The following TSHZ2 variants were observed in gnomAD, a reference collection of about 807,000 sequenced individuals.
TSHZ2 encodes the protein teashirt homolog 2.
Under a neutral mutation model 74.4 loss-of-function variants are expected in TSHZ2, and 21 were observed. The observed-to-expected ratio is 0.28, with a 90% CI of 0.20 to 0.41. The LOEUF (loss-of-function observed/expected upper bound fraction) is 0.41, where lower values mean the gene tolerates loss of function less well. Among genes scored for constraint, TSHZ2 ranks in the 10% least tolerant of loss-of-function variants. The pLI is 1.00. For missense variants in TSHZ2, 1,244 were observed against 1,293.5 expected (o/e 0.96, Z 0.59); for synonymous variants, 540 against 515.3 (o/e 1.05, Z -0.65).
intron 2 of TSHZ2, among the ~76,000 whole-genome samples, chr20:53,262,256 C>T (rs1306372149): frequency 4.0e-5 from 6 of 151,438 alleles, no homozygotes; most frequent in Non-Finnish European, 7.4e-5. Flanking sequence ...AAGCTTTCCA[C>T]GATGCTTTTT....
intron 1 of TSHZ2, among the ~76,000 whole-genome samples, chr20:53,022,390 A>G (rs1484787852): frequency 1.3e-5 from 2 of 152,154 alleles, no homozygotes; most frequent in Non-Finnish European, 2.9e-5. Context: ...TTACAGTGTC[A>G]ACGTGCAGTA....
chr20:53,206,645 G>A (rs888594902), intron 1 of TSHZ2: 12 of 152,136 alleles, frequency 7.9e-5, no homozygotes, highest in African/African-American at 1.9e-4. Context: ...AGCACTCCAC[G>A]GGTAGTGGCA....
At chr20:53,383,773 CAATAAT>C (rs900643183) in intron 2 of TSHZ2, among the ~76,000 whole-genome samples, 3 of 151,988 alleles carry the variant, frequency 2.0e-5, no homozygotes, top group Non-Finnish European at 2.9e-5. Flanking sequence ...AAAATAATAA[CAATAAT>C]AATAATAATT....
intron 1 of TSHZ2, among the ~76,000 whole-genome samples, chr20:53,148,721 G>C (rs1987604468): frequency 6.6e-6 from 1 of 152,182 alleles, no homozygotes; most frequent in African/African-American, 2.4e-5. Context: ...TCTTTTCTGA[G>C]ATTGCCATCA....
At chr20:53,179,791 C>T (rs1350075799) in intron 1 of TSHZ2, among the ~76,000 whole-genome samples, 1 of 152,146 alleles carries the variant, frequency 6.6e-6, no homozygotes, top group Non-Finnish European at 1.5e-5. Flanking sequence ...CAAACTAAAG[C>T]GTGCTGGGGG....
chr20:53,212,350 A>G (rs1989331741), intron 1 of TSHZ2, among the ~76,000 whole-genome samples: 1 of 152,238 alleles, frequency 6.6e-6, no homozygotes, highest in Non-Finnish European at 1.5e-5. Context: ...TTTAATGATG[A>G]TACTAATTTA....
chr20:53,079,401 A>T (rs544150906), intron 1 of TSHZ2, among the ~76,000 whole-genome samples: 43 of 152,370 alleles, frequency 2.8e-4, no homozygotes, highest in African/African-American at 9.1e-4. Flanking sequence ...GTTAACGTAG[A>T]CAGTGACATG....
intron 2 of TSHZ2, among the ~76,000 whole-genome samples, chr20:53,476,411 C>T (rs1381155208): frequency 3.3e-5 from 5 of 151,986 alleles, no homozygotes; most frequent in South Asian, 4.2e-4. Flanking sequence ...ACAAAAACCA[C>T]ATGATTATCT....
intron 2 of TSHZ2, among the ~76,000 whole-genome samples, chr20:53,418,270 G>A (rs1983343223): frequency 6.6e-6 from 1 of 152,074 alleles, no homozygotes; most frequent in South Asian, 2.1e-4. Flanking sequence ...TTTTTCTGAT[G>A]GGAAGGAAAG....
intron 1 of TSHZ2, among the ~76,000 whole-genome samples, chr20:53,001,208 G>GTGTGTGTGTGTGTGTGTGTGTGTGTA (rs1568713349): frequency 2.1e-5 from 1 of 47,512 alleles, no homozygotes; most frequent in East Asian, 5.1e-4. Context: ...TCATGTGCGT[G>GTGTGTGTGTGTGTGTGTGTGTGTGTA]TGTGTGTGTG....
At position 53,329,628 on chromosome 20, in the gene TSHZ2, A is replaced by G. The variant is rs57922285; in HGVS notation, c.*8+73057A>G. On this transcript the variant is annotated intron_variant, in intron 2 of 2. Transcript: ENST00000371497. ...GGTCATAAACATGGGCCTTGCGTCT[A>G]GACTAATTATATGGATAATGGTTGT... 3.0e-3 allele frequency among the ~76,000 whole-genome samples: 449 copies of G among 150,702 alleles called. 3 individuals carry two copies. The highest frequency in any genetic ancestry group is 0.01 in the African/African-American group (423 of 41,002).
chr20:53,249,424 TAGA>T (rs1403997434), intron 1 of TSHZ2, among the ~76,000 whole-genome samples: 5 of 152,268 alleles, frequency 3.3e-5, no homozygotes, highest in East Asian at 1.9e-4. Context: ...TTACATCCAG[TAGA>T]AGAAGACATC....
At chr20:53,106,953 C>A (rs1184674498) in intron 1 of TSHZ2, among the ~76,000 whole-genome samples, 1 of 152,252 alleles carries the variant, frequency 6.6e-6, no homozygotes. Flanking sequence ...CCACCTCGGC[C>A]TCCCAAAGTC....
At chr20:52,978,451 G>A (rs1406417904) in intron 1 of TSHZ2, among the ~76,000 whole-genome samples, 1 of 152,082 alleles carries the variant, frequency 6.6e-6, no homozygotes, top group African/African-American at 2.4e-5. Context: ...GGAATGTCAT[G>A]GTCTGGGAAG....
At chr20:53,312,301 G>A (rs1162137699) in intron 2 of TSHZ2, among the ~76,000 whole-genome samples, 5 of 152,132 alleles carry the variant, frequency 3.3e-5, no homozygotes, top group Admixed American at 2.0e-4. Flanking sequence ...ACATTGTAAC[G>A]GAGGCTGCCT....
intron 1 of TSHZ2, among the ~76,000 whole-genome samples, chr20:53,060,700 T>C (rs1984792056): frequency 6.6e-6 from 1 of 152,208 alleles, no homozygotes; most frequent in South Asian, 2.1e-4. Flanking sequence ...AATAATATCC[T>C]GAATAGAAGG....
intron 2 of TSHZ2, among the ~76,000 whole-genome samples, chr20:53,410,332 T>G (rs1177056237): frequency 6.6e-6 from 1 of 152,090 alleles, no homozygotes; most frequent in African/African-American, 2.4e-5. Context: ...TCATCAAACT[T>G]GCTTTCTCCA....
chr20:53,173,262 A>G (rs1233403335), intron 1 of TSHZ2, among the ~76,000 whole-genome samples: 1 of 152,264 alleles, frequency 6.6e-6, no homozygotes, highest in Non-Finnish European at 1.5e-5. Context: ...AGGATTGGCC[A>G]AATAAACTAT....
At chr20:53,456,165 A>C (rs1222199293) in intron 2 of TSHZ2, among the ~76,000 whole-genome samples, 2 of 150,980 alleles carry the variant, frequency 1.3e-5, no homozygotes, top group Middle Eastern at 3.5e-3. Flanking sequence ...GAACTAGTTT[A>C]CAGTCCCACC....
Sources: allele counts gnomAD v4.1 joint callset (sites outside exome capture counted in the v4.1 genomes callset), GRCh38; gene constraint gnomAD v4.1.1; transcripts MANE v1.5; gene names NCBI Gene and HGNC (gene_info 2026-07-23, HGNC 2026-07-21).